ZNF532: variants seen among roughly 807,000 people sequenced by gnomAD.
ZNF532 encodes zinc finger protein 532.
ZNF532 carries 22 observed loss-of-function variants against 89.3 expected under a neutral mutation model. That is an observed-to-expected ratio of 0.25 (90% CI 0.18 to 0.35). The LOEUF is 0.35. ZNF532 is among the 10% of genes least tolerant of loss of function. The probability of loss-of-function intolerance (pLI) is 1.00; values close to 1 mark genes in which losing one functional copy is unlikely to be tolerated. For missense variants in ZNF532, 1,132 were observed against 1,643.4 expected, an observed-to-expected ratio of 0.69 and a Z score of 5.38; for synonymous variants, 606 against 649.6, an observed-to-expected ratio of 0.93 and a Z score of 1.02.
chr18:58,959,401 A>C (rs1423157844), intron 7 of ZNF532, among the ~76,000 whole-genome samples: 1 of 151,746 alleles, frequency 6.6e-6, no homozygotes, highest in African/African-American at 2.4e-5. Context: ...CTAGGACTAC[A>C]GGTGTGTACC....
intron 2 of ZNF532, among the ~76,000 whole-genome samples, chr18:58,913,851 T>A (rs984004250): frequency 1.3e-5 from 2 of 152,194 alleles, no homozygotes; most frequent in East Asian, 3.9e-4. Flanking sequence ...TTAAGGGAAA[T>A]GTTAGTTTCT....
chr18:58,874,134 C>G (rs1433585671), intron 2 of ZNF532, among the ~76,000 whole-genome samples: 1 of 152,030 alleles, frequency 6.6e-6, no homozygotes, highest in African/African-American at 2.4e-5. Context: ...CCTGTCCTGC[C>G]TTACCTCATT....
chr18:58,869,033 T>A (rs2056740345), intron 2 of ZNF532, among the ~76,000 whole-genome samples: 7 of 152,220 alleles, frequency 4.6e-5, no homozygotes, highest in African/African-American at 1.7e-4. Flanking sequence ...TATTTGTGTT[T>A]CTGACCAATC....
At chr18:58,895,394 C>A (rs969607949) in intron 2 of ZNF532, among the ~76,000 whole-genome samples, 1 of 152,182 alleles carries the variant, frequency 6.6e-6, no homozygotes, top group South Asian at 2.1e-4. Flanking sequence ...CCCTTCTTGG[C>A]GATTCAAAAT....
chr18:58,951,934 C>G (rs1179109781), intron 6 of ZNF532, among the ~76,000 whole-genome samples: 2 of 152,114 alleles, frequency 1.3e-5, no homozygotes, highest in East Asian at 1.9e-4. Flanking sequence ...CAGGCGTGAG[C>G]CACTGCGCGT....
In ZNF532 at chr18:58,905,403, C is replaced by CTT. The variant is rs11376624; in HGVS notation, c.-17-12854_-17-12853dup. Among the ~76,000 whole-genome samples the CTT allele has an allele frequency of 1.8e-3, 249 of 139,336 alleles. 3 individuals are homozygous for CTT. The highest frequency in any genetic ancestry group is 5.4e-3 in the East Asian group (26 of 4,848). 91.4% of individuals were successfully genotyped at this position (139,336 alleles called of 152,430 possible). A position where few individuals can be genotyped will look rare whatever the true frequency, so the allele number is the denominator to read the frequency against. On this transcript the variant is annotated intron_variant, in intron 2 of 9. Transcript: ENST00000591808. ...CCAGGTTCTCCATTTTTTTTTCTTT[C>CTT]TTTTTTTTTTTTTTTAAGACAAGGT... is the stretch of plus-strand genomic sequence containing the variant.
intron 6 of ZNF532, among the ~76,000 whole-genome samples, 194 bp downstream of exon 6, chr18:58,948,423 T>C (rs1467824813): frequency 2.0e-5 from 3 of 152,114 alleles, no homozygotes; most frequent in African/African-American, 7.2e-5. Flanking sequence ...CATTCAGGAG[T>C]CCTGATCTGC....
chr18:58,970,529 G>A (rs774383189), intron 7 of ZNF532, among the ~76,000 whole-genome samples: 1 of 152,220 alleles, frequency 6.6e-6, no homozygotes, highest in Non-Finnish European at 1.5e-5. Flanking sequence ...ATAGTCAGGT[G>A]GTCTCTGGTG....
At chr18:58,969,824 G>GT (rs2066281302) in intron 7 of ZNF532, among the ~76,000 whole-genome samples, 1 of 146,238 alleles carries the variant, frequency 6.8e-6, no homozygotes, top group Admixed American at 6.8e-5. Context: ...AAGATTCTAT[G>GT]TAAGTCTTCA....
In ZNF532 at chr18:58,971,429, G is replaced by A. The variant is rs183696992; in HGVS notation, c.3151-7626G>A. ...TCTCAATCAGGGATCAGCAAACTGC[G>A]TTTCATGGGCCTGCCACCTGTTTTT... On this transcript the variant is annotated intron_variant, in intron 7 of 9. Transcript: ENST00000591808. 2.2e-4 allele frequency among the ~76,000 whole-genome samples: 33 copies of A among 152,314 alleles called. No homozygotes were observed. The East Asian group carries it at 3.3e-3, about 15-fold the overall frequency.
At chr18:58,958,083 A>AT (rs369428467) in intron 7 of ZNF532, among the ~76,000 whole-genome samples, 1 of 151,302 alleles carries the variant, frequency 6.6e-6, no homozygotes, top group Non-Finnish European at 1.5e-5. Flanking sequence ...AAAAAAAAAA[A>AT]TACAAAAACC....
intron 2 of ZNF532, among the ~76,000 whole-genome samples, chr18:58,909,233 G>A (rs951806146): frequency 6.6e-6 from 1 of 152,162 alleles, no homozygotes; most frequent in Non-Finnish European, 1.5e-5. Context: ...GATTATAGGC[G>A]TGAGCCACCG....
chr18:58,877,337 C>T (rs1200494927), intron 2 of ZNF532, among the ~76,000 whole-genome samples: 1 of 152,150 alleles, frequency 6.6e-6, no homozygotes, highest in African/African-American at 2.4e-5. Flanking sequence ...GGAAGGTTGC[C>T]TTGGGGCCTG....
chr18:58,864,213 C>A (rs1032092003), upstream of ZNF532: 7 of 152,664 alleles, frequency 4.6e-5, no homozygotes, highest in Non-Finnish European at 7.3e-5. Flanking sequence ...ACTTCTCCCC[C>A]CAGGTGCTTG....
At chr18:58,944,653 G>C (rs1267255007) in intron 5 of ZNF532, among the ~76,000 whole-genome samples, 1 of 151,814 alleles carries the variant, frequency 6.6e-6, no homozygotes, top group East Asian at 1.9e-4. Flanking sequence ...GTCTCCCTGG[G>C]GATTTTCCAT....
At chr18:58,948,292 A>G (rs1033692649) in intron 6 of ZNF532, 63 bp downstream of exon 6, 2 of 1,512,762 alleles carry the variant, frequency 1.3e-6, no homozygotes, top group Non-Finnish European at 1.8e-6. Flanking sequence ...TCATAAATCA[A>G]GGCTGAGCTG....
At chr18:58,879,932 G>A (rs1439543858) in intron 2 of ZNF532, among the ~76,000 whole-genome samples, 1 of 152,128 alleles carries the variant, frequency 6.6e-6, no homozygotes, top group Non-Finnish European at 1.5e-5. Context: ...AAGTAAATTG[G>A]ATTTGTGTCC....
chr18:58,964,422 T>C (rs1263358298), intron 7 of ZNF532, among the ~76,000 whole-genome samples: 1 of 152,200 alleles, frequency 6.6e-6, no homozygotes, highest in Non-Finnish European at 1.5e-5. Flanking sequence ...TTGTGTCAGA[T>C]GTGATTAAAA....
intron 2 of ZNF532, among the ~76,000 whole-genome samples, chr18:58,904,246 G>A (rs192220329): frequency 9.9e-5 from 15 of 152,108 alleles, no homozygotes; most frequent in African/African-American, 3.1e-4. Flanking sequence ...AGCTACTTGG[G>A]AGTCTGAGGT....
Sources: gnomAD v4.1 joint callset for allele counts (sites outside exome capture counted in the v4.1 genomes callset) on GRCh38, gnomAD v4.1.1 for gene constraint, MANE v1.5 for transcripts, NCBI Gene and HGNC (gene_info 2026-07-23, HGNC 2026-07-21) for gene names.